Variants in NECAB1 observed in about 807,000 individuals in gnomAD.
NECAB1 encodes N-terminal EF-hand calcium-binding protein 1.
Under a neutral mutation model 57.5 loss-of-function variants are expected in NECAB1, and 29 were observed. That is an observed-to-expected ratio of 0.50 (90% CI 0.38 to 0.69). The LOEUF (loss-of-function observed/expected upper bound fraction) is 0.69. Ranked by LOEUF, NECAB1 falls within the 30% of genes least tolerant of loss-of-function variation. The pLI, the probability that NECAB1 is intolerant of heterozygous loss-of-function variation, is 0.00. For missense variants in NECAB1, 372 were observed against 413.8 expected (o/e 0.90, Z 0.88); for synonymous variants, 142 against 147.7 (o/e 0.96, Z 0.28).
At chr8:90,932,263 C>A (rs534855110) in intron 8 of NECAB1, among the ~76,000 whole-genome samples, 1 of 152,264 alleles carries the variant, frequency 6.6e-6, no homozygotes, top group East Asian at 1.9e-4. Flanking sequence ...ATTTTGCCCT[C>A]ATAGAAAAGC....
At chr8:90,851,429 A>G (rs1436926913) in intron 3 of NECAB1, among the ~76,000 whole-genome samples, 1 of 152,178 alleles carries the variant, frequency 6.6e-6, no homozygotes, top group African/African-American at 2.4e-5. Context: ...GACGAAGCCT[A>G]TAACCTGTGG....
chr8:90,851,435 T>C (rs73695842), intron 3 of NECAB1, among the ~76,000 whole-genome samples: 7,039 of 152,180 alleles, frequency 0.046, 572 homozygotes, highest in African/African-American at 0.16. Flanking sequence ...GCCTATAACC[T>C]GTGGAGTTTG....
chr8:90,805,292 A>T (rs1811828929), intron 2 of NECAB1, among the ~76,000 whole-genome samples: 1 of 152,208 alleles, frequency 6.6e-6, no homozygotes, highest in African/African-American at 2.4e-5. Flanking sequence ...CATGTGATAG[A>T]GTCCCTTGTG....
At chr8:90,937,631 G>A (rs1810568904) in intron 9 of NECAB1, among the ~76,000 whole-genome samples, 1 of 152,112 alleles carries the variant, frequency 6.6e-6, no homozygotes, top group Non-Finnish European at 1.5e-5. Flanking sequence ...AAAGAGTACT[G>A]GAGTAAGATG....
chr8:90,851,590 A>G (rs180885362), intron 3 of NECAB1, among the ~76,000 whole-genome samples: 455 of 152,318 alleles, frequency 3.0e-3, no homozygotes, highest in Non-Finnish European at 3.7e-3. Flanking sequence ...AAAAGGGGGC[A>G]TCTTTTATTT....
chr8:90,814,880 T>C (rs1161692746), intron 2 of NECAB1, among the ~76,000 whole-genome samples: 3 of 152,160 alleles, frequency 2.0e-5, no homozygotes, highest in East Asian at 3.8e-4. Flanking sequence ...TGTGTCATCA[T>C]TGCTTCTAAG....
intron 3 of NECAB1, among the ~76,000 whole-genome samples, chr8:90,854,251 G>A (rs1412801515): frequency 3.3e-5 from 5 of 152,100 alleles, no homozygotes; most frequent in African/African-American, 1.2e-4. Flanking sequence ...GAGGAATCTT[G>A]GTGTTGATCT....
intron 5 of NECAB1, among the ~76,000 whole-genome samples, chr8:90,888,149 A>G (rs1809055650): frequency 6.6e-6 from 1 of 152,018 alleles, no homozygotes; most frequent in South Asian, 2.1e-4. Flanking sequence ...TTTCCTTTGT[A>G]GGGATTTTCT....
intron 12 of NECAB1, among the ~76,000 whole-genome samples, chr8:90,951,866 A>G (rs1250346792): frequency 6.6e-6 from 1 of 152,250 alleles, no homozygotes; most frequent in East Asian, 1.9e-4. Flanking sequence ...ATAGTTTTTA[A>G]GAAAATGACT....
Position 90,791,941 on chromosome 8 carries a change from A to C in NECAB1, c.55A>C (p.Ser19Arg), listed in dbSNP as rs1410073652. 3 of 1,552,702 alleles carry C rather than the reference A, an allele frequency of 1.9e-6. No individual in the cohort carries two copies. In the African/African-American group the frequency reaches 4.1e-5, roughly 21 times the overall value. Reference sequence around the variant, plus strand: ...CTCCAACAACTCCTCGGAGGAGCTCAGCTCTGCTCTGCACCTGTCCAAGGG... The same window carrying C: ...CTCCAACAACTCCTCGGAGGAGCTCCGCTCTGCTCTGCACCTGTCCAAGGG... ...PSSNNSSEEL[S>R]SALHLSKGMS... Residue 19 changes from serine (S) to arginine (R), a missense_variant, in exon 1 of 13, where the codon AGC (serine) becomes CGC (arginine). By Grantham distance (110) the Ser-to-Arg change is moderately radical. Transcript: ENST00000417640.
At position 90,917,551 on chromosome 8, in the gene NECAB1, C is replaced by G. The variant is rs1365610406; in HGVS notation, c.417C>G (p.Thr139=). ...TAACTAGATTTTTATTGAAGGAAAC[C>G]CTGAATCAGCTGCAGTCTCTCCAGA... The part of the protein sequence containing the change: ...QFVTRFLLKE[T]LNQLQSLQNS... The change falls in exon 6 of 13, where the codon ACC becomes ACG. Residue 139 remains threonine, a synonymous_variant. Transcript: ENST00000417640. The G allele has an allele frequency of 1.2e-6, 2 of 1,611,462 alleles. No individual in the cohort carries two copies. Among genetic ancestry groups the G allele is most frequent in the African/African-American group, 1.3e-5 (1 of 74,684 alleles).
chr8:90,806,146 C>A lies in NECAB1; in HGVS notation c.124+4431C>A, dbSNP rs530166425. On this transcript the variant is annotated intron_variant, in intron 2 of 12. Coordinates refer to ENST00000417640, the MANE Select transcript of NECAB1 (RefSeq NM_022351.5). Reference sequence around the variant, plus strand: ...ATTGGATTCCTCTTGTTGATTTGCACTTGCTAAGGTCTGCTATCATTCTTG... The same window carrying A: ...ATTGGATTCCTCTTGTTGATTTGCAATTGCTAAGGTCTGCTATCATTCTTG... Among the ~76,000 whole-genome samples, 11 of 152,320 alleles carry A rather than the reference C, an allele frequency of 7.2e-5. No homozygotes were observed. The East Asian group carries it at 2.1e-3, about 29-fold the overall frequency.
intron 9 of NECAB1, among the ~76,000 whole-genome samples, chr8:90,938,389 G>C (rs900828504): frequency 2.6e-5 from 4 of 152,118 alleles, no homozygotes; most frequent in Non-Finnish European, 4.4e-5. Context: ...ACTATATCTT[G>C]GGATCCCACA....
chr8:90,947,250 T>C (rs1810823865), intron 10 of NECAB1, among the ~76,000 whole-genome samples: 1 of 146,968 alleles, frequency 6.8e-6, no homozygotes, highest in Admixed American at 6.9e-5. Flanking sequence ...CTTTCATAGC[T>C]ACTCGCCCAA....
At chr8:90,805,415 A>G (rs1811831186) in intron 2 of NECAB1, among the ~76,000 whole-genome samples, 1 of 151,870 alleles carries the variant, frequency 6.6e-6, no homozygotes, top group South Asian at 2.1e-4. Flanking sequence ...ACATCTGACA[A>G]AAAAGAGAAG....
chr8:90,925,466 A>C, intron 6 of NECAB1, 69 bp from the exon 7 acceptor site: 2 of 1,549,354 alleles, frequency 1.3e-6, no homozygotes, highest in East Asian at 2.3e-5. Context: ...TGACGCATGA[A>C]GATCTCTTCC....
chr8:90,895,868 T>C (rs1323643689), intron 5 of NECAB1, among the ~76,000 whole-genome samples: 2 of 152,214 alleles, frequency 1.3e-5, no homozygotes, highest in African/African-American at 2.4e-5. Flanking sequence ...CTTCCTTTAA[T>C]TGTAACTTTC....
intron 1 of NECAB1, 117 bp from the exon 2 acceptor site, chr8:90,801,574 G>C (rs1170276197): frequency 2.9e-6 from 2 of 699,856 alleles, no homozygotes; most frequent in South Asian, 3.7e-5. Context: ...ATTGGGAAAC[G>C]CTTACTTAAA....
chr8:90,870,488 A>AATG (rs1197129960), intron 3 of NECAB1, among the ~76,000 whole-genome samples: 1 of 152,188 alleles, frequency 6.6e-6, no homozygotes, highest in Non-Finnish European at 1.5e-5. Context: ...TCTGAAATTG[A>AATG]ATGCTCTTCA....
Sources: gnomAD v4.1 joint callset for allele counts (sites outside exome capture counted in the v4.1 genomes callset) on GRCh38, gnomAD v4.1.1 for gene constraint, MANE v1.5 for transcripts, NCBI Gene and HGNC (gene_info 2026-07-23, HGNC 2026-07-21) for gene names.